Variants in EEF1AKMT2 observed in about 807,000 individuals in gnomAD.
EEF1AKMT2 encodes eukaryotic translation elongation factor 1 alpha lysine methyltransferase 2.
Under a neutral mutation model 35.8 loss-of-function variants are expected in EEF1AKMT2, and 32 were observed. That is an observed-to-expected ratio of 0.89 (90% CI 0.67 to 1.20). The LOEUF is 1.20. EEF1AKMT2 is among the 50% of genes most tolerant of loss of function. The probability of loss-of-function intolerance (pLI) is 0.00; values close to 1 mark genes in which losing one functional copy is unlikely to be tolerated. For synonymous variants in EEF1AKMT2, 121 were observed against 133.7 expected (o/e 0.91, Z 0.65); for missense variants, 330 against 347.5 (o/e 0.95, Z 0.40).
chr10:124,756,908 G>C (rs1398482114), downstream of EEF1AKMT2, among the ~76,000 whole-genome samples: 31 of 152,100 alleles, frequency 2.0e-4, no homozygotes, highest in Non-Finnish European at 4.4e-5. Context: ...TGTATATGAA[G>C]AATAAATTAG....
chr10:124,771,614 A>G (rs1272117974), intron 4 of EEF1AKMT2, among the ~76,000 whole-genome samples: 5 of 152,090 alleles, frequency 3.3e-5, no homozygotes, highest in Admixed American at 2.0e-4. Context: ...TCACGCCTGT[A>G]ATCCCAGCAC....
Position 124,757,979 on chromosome 10 carries a change from G to C in EEF1AKMT2, c.*2524C>G, listed in dbSNP as rs1010793614. Reference sequence around the variant, plus strand: ...CTGAAAACTTTGTATTTGTTAATTGGGATAACCCACCCATTCAGGCCTCAA... The same window carrying C: ...CTGAAAACTTTGTATTTGTTAATTGCGATAACCCACCCATTCAGGCCTCAA... On this transcript the variant is annotated 3_prime_UTR_variant, in exon 7 of 7. Coordinates refer to ENST00000368836, the MANE Select transcript of EEF1AKMT2 (RefSeq NM_212554.4). The C allele has an allele frequency of 6.6e-6, 1 of 152,084 alleles. No individual in the cohort carries two copies. The highest frequency in any genetic ancestry group is 1.5e-5 in the Non-Finnish European group (1 of 68,016). The allele number at this position is 152,084 out of a possible 1,614,324, so 9.4% of individuals were successfully genotyped here.
chr10:124,756,545 A>G (rs1950288265), downstream of EEF1AKMT2, among the ~76,000 whole-genome samples: 1 of 152,252 alleles, frequency 6.6e-6, no homozygotes, highest in African/African-American at 2.4e-5. Flanking sequence ...TTTAATGATC[A>G]GTCTAATACA....
At chr10:124,790,173 G>A (rs774973995) in intron 2 of EEF1AKMT2, 100 bp downstream of exon 2, 11 of 913,518 alleles carry the variant, frequency 1.2e-5, no homozygotes, top group Admixed American at 1.9e-5. Context: ...GATTACAGGC[G>A]TAAGCCACCG....
Position 124,758,975 on chromosome 10 carries a change from T to C in EEF1AKMT2, c.*1528A>G, listed in dbSNP as rs1328967838. 2 of 152,164 alleles carry C rather than the reference T, an allele frequency of 1.3e-5. No homozygotes were observed. The highest frequency in any genetic ancestry group is 2.4e-5 in the African/African-American group (1 of 41,438). The allele number at this position is 152,164 out of a possible 1,614,324, so 9.4% of individuals were successfully genotyped here. Reference sequence around the variant, plus strand: ...TCTTGTCTTAATGGTTGATCAATGTTGATCTAAATGAAAAACTCACTCCTC... The same window carrying C: ...TCTTGTCTTAATGGTTGATCAATGTCGATCTAAATGAAAAACTCACTCCTC... On this transcript the variant is annotated 3_prime_UTR_variant, in exon 7 of 7. Coordinates refer to ENST00000368836, the MANE Select transcript of EEF1AKMT2 (RefSeq NM_212554.4).
At chr10:124,786,471 A>ACT (rs1950585135) in intron 3 of EEF1AKMT2, among the ~76,000 whole-genome samples, 1 of 149,696 alleles carries the variant, frequency 6.7e-6, no homozygotes, top group African/African-American at 2.5e-5. Flanking sequence ...GCCCCACTGC[A>ACT]CTCCAGCCTG....
At chr10:124,756,600 G>C (rs1589775020), downstream of EEF1AKMT2, among the ~76,000 whole-genome samples, 1 of 152,274 alleles carries the variant, frequency 6.6e-6, no homozygotes, top group Non-Finnish European at 1.5e-5. Context: ...ACTGACTCAA[G>C]CTCTCTTTTT....
chr10:124,766,737 A>T (rs1019546947), intron 4 of EEF1AKMT2, among the ~76,000 whole-genome samples: 1 of 152,182 alleles, frequency 6.6e-6, no homozygotes, highest in African/African-American at 2.4e-5. Flanking sequence ...CAAAATAATG[A>T]CTATCACTCT....
chr10:124,770,745 G>A (rs1950425595), intron 4 of EEF1AKMT2, among the ~76,000 whole-genome samples: 2 of 152,294 alleles, frequency 1.3e-5, no homozygotes, highest in East Asian at 1.9e-4. Flanking sequence ...TATCAACTAA[G>A]TTTATGGAAT....
chr10:124,775,938 G>A (rs1470586115), intron 3 of EEF1AKMT2, among the ~76,000 whole-genome samples: 1 of 145,068 alleles, frequency 6.9e-6, no homozygotes, highest in Non-Finnish European at 1.5e-5. Context: ...TTTTTTTTGA[G>A]ACAGAGTCTC....
intron 5 of EEF1AKMT2, among the ~76,000 whole-genome samples, chr10:124,763,848 A>C (rs906958667): frequency 6.6e-6 from 1 of 152,188 alleles, no homozygotes; most frequent in Non-Finnish European, 1.5e-5. Flanking sequence ...AAGAGGAAAG[A>C]CTTATTGATA....
chr10:124,764,279 C>A (rs141901364), intron 5 of EEF1AKMT2, among the ~76,000 whole-genome samples: 226 of 146,730 alleles, frequency 1.5e-3, no homozygotes, highest in African/African-American at 5.5e-3. Flanking sequence ...GAAAATTTAT[C>A]CTATCCTTTA....
chr10:124,777,474 G>A (rs1337726990), intron 3 of EEF1AKMT2, among the ~76,000 whole-genome samples: 2 of 151,634 alleles, frequency 1.3e-5, no homozygotes, highest in African/African-American at 4.8e-5. Context: ...TTACTGTACC[G>A]AATACTGGAG....
At chr10:124,782,549 T>C (rs367829711) in intron 3 of EEF1AKMT2, among the ~76,000 whole-genome samples, 1 of 122,898 alleles carries the variant, frequency 8.1e-6, no homozygotes, top group African/African-American at 3.2e-5. Flanking sequence ...GCCACTGCAC[T>C]CCAGCCTGGG....
chr10:124,790,231 T>C, intron 2 of EEF1AKMT2, 42 bp downstream of exon 2: 1 of 1,426,112 alleles, frequency 7.0e-7, no homozygotes, highest in Non-Finnish European at 9.9e-7. Context: ...CACATATACA[T>C]ATAATCTTCT....
At chr10:124,773,567 T>C (rs780675991) in intron 4 of EEF1AKMT2, among the ~76,000 whole-genome samples, 3 of 152,120 alleles carry the variant, frequency 2.0e-5, no homozygotes, top group Non-Finnish European at 4.4e-5. Context: ...AATTTCAATA[T>C]TGCTGTGTCC....
In EEF1AKMT2 at chr10:124,791,780, G is replaced by C. The variant is rs982149453; in HGVS notation, c.54C>G (p.Asp18Glu). 6.3e-7 allele frequency: 1 copy of C among 1,593,866 alleles called. No individual in the cohort carries two copies. The highest frequency in any genetic ancestry group is 8.5e-7 in the Non-Finnish European group (1 of 1,174,666). ...AACCGTCCTCCCCGGGACTGCCCTTGTCCGACCGCGCCGCCACCGCAGCGC... is the reference window on the plus strand; with the variant it reads ...AACCGTCCTCCCCGGGACTGCCCTTCTCCGACCGCGCCGCCACCGCAGCGC... ...GGGAAVAARS[D>E]KGSPGEDGFV... Residue 18 changes from aspartate (D) to glutamate (E), a missense_variant, in exon 1 of 7, where the codon GAC becomes GAG. Transcript: ENST00000368836.
In EEF1AKMT2 at chr10:124,757,930, G is replaced by T. The variant is rs1036301678; in HGVS notation, c.*2573C>A. On this transcript the variant is annotated 3_prime_UTR_variant, in exon 7 of 7. Transcript: ENST00000368836. ...GTCCCAAAAAGCAACTCTAACTTGT[G>T]CACCTGGCTTAAAACAAAATGTACT... 1.3e-5 allele frequency: 2 copies of T among 152,108 alleles called. No homozygotes were observed. Among genetic ancestry groups the T allele is most frequent in the Non-Finnish European group, 2.9e-5 (2 of 68,020 alleles). The allele number at this position is 152,108 out of a possible 1,614,324, so 9.4% of individuals were successfully genotyped here.
chr10:124,756,791 T>C (rs953343757), downstream of EEF1AKMT2, among the ~76,000 whole-genome samples: 9 of 152,226 alleles, frequency 5.9e-5, no homozygotes, highest in Admixed American at 1.3e-4. Flanking sequence ...GGCTTGGGTA[T>C]TTGTCTGCTT....
Sources: gnomAD v4.1 joint callset for allele counts (sites outside exome capture counted in the v4.1 genomes callset) on GRCh38, gnomAD v4.1.1 for gene constraint, MANE v1.5 for transcripts, NCBI Gene and HGNC (gene_info 2026-07-23, HGNC 2026-07-21) for gene names.